The following GTF2IRD1 variants were observed in gnomAD, a reference collection of about 807,000 sequenced individuals.
GTF2IRD1 encodes the protein general transcription factor II-I repeat domain-containing protein 1.
GTF2IRD1 carries 26 observed loss-of-function variants against 113.2 expected under a neutral mutation model. The observed-to-expected ratio is 0.23, with a 90% CI of 0.17 to 0.32. The LOEUF (loss-of-function observed/expected upper bound fraction) is 0.32. Ranked by LOEUF, GTF2IRD1 falls within the 10% of genes least tolerant of loss-of-function variation. The pLI is 1.00. For synonymous variants in GTF2IRD1, 484 were observed against 529.1 expected (o/e 0.91, Z 1.17); for missense variants, 864 against 1,280.8 (o/e 0.67, Z 4.97).
intron 25 of GTF2IRD1, among the ~76,000 whole-genome samples, chr7:74,597,097 C>T (rs1554372533): frequency 6.6e-6 from 1 of 151,740 alleles, no homozygotes; most frequent in Admixed American, 6.6e-5. Context: ...GGCTGGAGTG[C>T]AGTGGTGTGA....
At chr7:74,556,121 G>A (rs587617036) in intron 19 of GTF2IRD1, among the ~76,000 whole-genome samples, 88 of 151,816 alleles carry the variant, frequency 5.8e-4, no homozygotes, top group African/African-American at 1.9e-3. Flanking sequence ...GCGAGGTGGC[G>A]TGCACCTGTG....
intron 22 of GTF2IRD1, among the ~76,000 whole-genome samples, chr7:74,571,482 T>C (rs2267816): frequency 0.51 from 77,689 of 152,122 alleles, 20,802 homozygotes; most frequent in Middle Eastern, 0.63. Flanking sequence ...AAGCTCTTGG[T>C]GGGCTCCAGT....
At chr7:74,591,053 G>T in intron 24 of GTF2IRD1, 36 bp downstream of exon 24, 1 of 1,511,636 alleles carries the variant, frequency 6.6e-7, no homozygotes, top group South Asian at 1.1e-5. Context: ...GAACAGAGAG[G>T]GCGAGGCCAT....
intron 1 of GTF2IRD1, among the ~76,000 whole-genome samples, chr7:74,486,415 G>T (rs1334142592): frequency 1.3e-5 from 2 of 152,152 alleles, no homozygotes; most frequent in Non-Finnish European, 2.9e-5. Flanking sequence ...TGGTCATCCT[G>T]GCCTAAAGTG....
At chr7:74,556,274 G>A (rs2130758459) in intron 19 of GTF2IRD1, among the ~76,000 whole-genome samples, 1 of 151,692 alleles carries the variant, frequency 6.6e-6, no homozygotes, top group South Asian at 2.1e-4. Flanking sequence ...AAGAGAGAGA[G>A]AGAGAGAGAT....
At chr7:74,498,896 T>G (rs916350256) in intron 1 of GTF2IRD1, among the ~76,000 whole-genome samples, 2 of 152,018 alleles carry the variant, frequency 1.3e-5, no homozygotes, top group African/African-American at 4.8e-5. Flanking sequence ...CCCCAGCTAA[T>G]TTTTTGTATT....
chr7:74,520,839 ATACTAT>A (rs1797244526), intron 6 of GTF2IRD1, among the ~76,000 whole-genome samples: 1 of 95,880 alleles, frequency 1.0e-5, no homozygotes, highest in Non-Finnish European at 2.0e-5. Context: ...TAAGTTATAT[ATACTAT>A]TATTATTATT....
rs1202109109 is a variant in GTF2IRD1 at position 74,594,913 on chromosome 7, C to G, written c.2592-101C>G. ...GCTGCAGTGAGCTGAAATTGCGCCACTGCACTTCAGCCTGGGCAACCGAGT... is the reference window on the plus strand; with the variant it reads ...GCTGCAGTGAGCTGAAATTGCGCCAGTGCACTTCAGCCTGGGCAACCGAGT... On this transcript the variant is annotated intron_variant, in intron 24 of 26. Coordinates refer to ENST00000424337, the MANE Select transcript of GTF2IRD1 (RefSeq NM_005685.4). 6.9e-6 allele frequency: 5 copies of G among 720,762 alleles called. No homozygotes were observed. In the Admixed American group the frequency reaches 8.5e-5, roughly 12 times the overall value. The allele number at this position is 720,762 out of a possible 1,614,324, so 44.6% of individuals were successfully genotyped here. A position where few individuals can be genotyped will look rare whatever the true frequency, so the allele number is the denominator to read the frequency against.
At chr7:74,593,650 A>G (rs1802209756) in intron 24 of GTF2IRD1, among the ~76,000 whole-genome samples, 1 of 148,848 alleles carries the variant, frequency 6.7e-6, no homozygotes, top group African/African-American at 2.5e-5. Context: ...GGAGAATGGC[A>G]TGAACCTGGG....
chr7:74,474,849 G>A (rs1412388779), intron 1 of GTF2IRD1, among the ~76,000 whole-genome samples: 11 of 152,052 alleles, frequency 7.2e-5, no homozygotes, highest in African/African-American at 2.7e-4. Flanking sequence ...GCAGTGGCTC[G>A]GGCCTGTAAT....
intron 22 of GTF2IRD1, among the ~76,000 whole-genome samples, chr7:74,580,580 TTC>T: frequency 6.6e-6 from 1 of 152,222 alleles, no homozygotes; most frequent in African/African-American, 2.4e-5. Context: ...TCTTTTTTTT[TTC>T]CCCCTTGGCA....
intron 10 of GTF2IRD1, among the ~76,000 whole-genome samples, chr7:74,535,637 G>C (rs2130534498): frequency 6.6e-6 from 1 of 152,278 alleles, no homozygotes; most frequent in Non-Finnish European, 1.5e-5. Flanking sequence ...GCTCTTCCCG[G>C]GGTAGCAAAA....
chr7:74,472,258 C>G lies in GTF2IRD1; in HGVS notation c.-7+18082C>G, dbSNP rs1405131667. ...GGGCCAGGTGCTGCAGTGGGGCCCC[C>G]CTCTTTCCCTTCCTTGGACATCCTA... On this transcript the variant is annotated intron_variant, in intron 1 of 26. Coordinates refer to ENST00000424337, the MANE Select transcript of GTF2IRD1 (RefSeq NM_005685.4). 1.9e-4 allele frequency among the ~76,000 whole-genome samples: 10 copies of G among 52,490 alleles called. No individual in the cohort carries two copies. In the Admixed American group the frequency reaches 2.2e-3, roughly 12 times the overall value. The allele number at this position is 52,490 out of a possible 152,430, so 34.4% of individuals were successfully genotyped here.
chr7:74,478,189 C>G lies in GTF2IRD1; in HGVS notation c.-7+24013C>G, dbSNP rs138881369. Among the ~76,000 whole-genome samples, 902 of 152,348 alleles carry G rather than the reference C, an allele frequency of 5.9e-3. 9 individuals carry two copies. The highest frequency in any genetic ancestry group is 0.02 in the African/African-American group (838 of 41,588). On this transcript the variant is annotated intron_variant, in intron 1 of 26. Coordinates refer to ENST00000424337, the MANE Select transcript of GTF2IRD1 (RefSeq NM_005685.4). ...AGCCTGCATTTCCCACCCAGCACTC[C>G]CCAACCGCCCCTTGCGTGGAGGGAC...
chr7:74,557,853 T>TA, intron 20 of GTF2IRD1, 131 bp downstream of exon 20: 1 of 620,152 alleles, frequency 1.6e-6, no homozygotes, highest in South Asian at 2.0e-5. Context: ...CTTGAGCATA[T>TA]ACTACGTGCC....
chr7:74,562,666 C>G (rs1554359483), intron 22 of GTF2IRD1, among the ~76,000 whole-genome samples: 1 of 133,678 alleles, frequency 7.5e-6, no homozygotes, highest in African/African-American at 2.8e-5. Context: ...CTCCCAGGTT[C>G]AAATGATTCT....
intron 1 of GTF2IRD1, among the ~76,000 whole-genome samples, chr7:74,492,169 A>G (rs1488827172): frequency 6.7e-6 from 1 of 149,654 alleles, no homozygotes; most frequent in South Asian, 2.1e-4. Flanking sequence ...ATTCCCGGCT[A>G]ATTTTTTTTT....
At chr7:74,579,341 G>C (rs1801273697) in intron 22 of GTF2IRD1, among the ~76,000 whole-genome samples, 1 of 152,114 alleles carries the variant, frequency 6.6e-6, no homozygotes, top group Non-Finnish European at 1.5e-5. Context: ...AAGAAGGCCA[G>C]GCGCAGTGGC....
chr7:74,572,973 G>C (rs1214711511), intron 22 of GTF2IRD1, among the ~76,000 whole-genome samples: 1 of 152,110 alleles, frequency 6.6e-6, no homozygotes, highest in Non-Finnish European at 1.5e-5. Context: ...GGCAGAGTGG[G>C]CCATGAAATG....
Sources: gnomAD v4.1 joint callset for allele counts (sites outside exome capture counted in the v4.1 genomes callset) on GRCh38, gnomAD v4.1.1 for gene constraint, MANE v1.5 for transcripts, NCBI Gene and HGNC (gene_info 2026-07-23, HGNC 2026-07-21) for gene names.